The following LIX1 variants were observed in gnomAD, a reference collection of about 807,000 sequenced individuals.
The protein encoded by LIX1 is limb and CNS expressed 1.
LIX1 carries 24 observed loss-of-function variants against 33.4 expected under a neutral mutation model. The observed-to-expected ratio is 0.72, with a 90% CI of 0.52 to 1.01. LIX1 has a LOEUF of 1.01. Among genes scored for constraint, LIX1 ranks in the 50% least tolerant of loss-of-function variants. The pLI, the probability that LIX1 is intolerant of heterozygous loss-of-function variation, is 0.00. For missense variants in LIX1, 311 were observed against 339.2 expected, an observed-to-expected ratio of 0.92 and a Z score of 0.65; for synonymous variants, 124 against 124.0, an observed-to-expected ratio of 1.00 and a Z score of 0.00.
rs1746153895 is a variant in LIX1 at position 97,093,020 on chromosome 5, A to C, written c.*1728T>G. 6.6e-6 allele frequency: 1 copy of C among 152,346 alleles called. No homozygotes were observed. The highest frequency in any genetic ancestry group is 1.5e-5 in the Non-Finnish European group (1 of 68,046). The allele number at this position is 152,346 out of a possible 1,614,324, so 9.4% of individuals were successfully genotyped here. A position where few individuals can be genotyped will look rare whatever the true frequency, so the allele number is the denominator to read the frequency against. On this transcript the variant is annotated 3_prime_UTR_variant, in exon 6 of 6. Coordinates refer to ENST00000274382, the MANE Select transcript of LIX1 (RefSeq NM_153234.5). The stretch of plus-strand genomic sequence containing the variant: ...GTGGAGAGGAATGTAACTTTTGTTA[A>C]AATAATATTTTAAAATAAAATGTGT...
rs1746947373 is a variant in LIX1, at chr5:97,105,198, C to G, written c.475G>C (p.Glu159Gln). The stretch of plus-strand genomic sequence containing the variant: ...GGCAGGCAGGCAGGTACCTGAAACT[C>G]CAGCATAGTCTTCCCCATGTTTGAC... ...LESNMGKTML[E>Q]FQELMTIFQL... is the part of the protein sequence containing the mutation. Residue 159 changes from glutamate to glutamine, a missense_variant, in exon 4 of 6, where the codon GAG (glutamate) becomes CAG (glutamine). Physicochemically the swap from Glu to Gln is conservative, Grantham distance 29. Coordinates refer to ENST00000274382, the MANE Select transcript of LIX1 (RefSeq NM_153234.5). 1.2e-6 allele frequency: 2 copies of G among 1,613,942 alleles called. No homozygotes were observed. The highest frequency in any genetic ancestry group is 2.2e-5 in the East Asian group (1 of 44,880).
chr5:97,103,411 G>A (rs1746824002), intron 4 of LIX1, among the ~76,000 whole-genome samples: 1 of 152,106 alleles, frequency 6.6e-6, no homozygotes, highest in Admixed American at 6.5e-5. Context: ...TGGACTCTAC[G>A]CATATCATCC....
At position 97,094,674 on chromosome 5, in the gene LIX1, A is replaced by AG; in HGVS notation, c.*73dup. 7.1e-7 allele frequency: 1 copy of AG among 1,408,322 alleles called. No homozygotes were observed. The highest frequency in any genetic ancestry group is 9.8e-7 in the Non-Finnish European group (1 of 1,018,276). 87.2% of individuals were successfully genotyped at this position (1,408,322 alleles called of 1,614,324 possible). On this transcript the variant is annotated 3_prime_UTR_variant, in exon 6 of 6. Transcript: ENST00000274382. The stretch of plus-strand genomic sequence containing the variant: ...AGTACTAGAGATGCTGGAGCCTCTG[A>AG]GGACCTCTGCACTGAGATTCCTAAT...
At chr5:97,132,915 G>T (rs1216062702) in intron 1 of LIX1, among the ~76,000 whole-genome samples, 1 of 152,204 alleles carries the variant, frequency 6.6e-6, no homozygotes, top group Non-Finnish European at 1.5e-5. Context: ...GGAAGGAGAT[G>T]AAGCCCCTTC....
At chr5:97,141,227 C>A (rs1748279858) in intron 1 of LIX1, among the ~76,000 whole-genome samples, 2 of 152,072 alleles carry the variant, frequency 1.3e-5, no homozygotes, top group African/African-American at 4.8e-5. Context: ...CCCTTTTATC[C>A]CTCACTAGTG....
chr5:97,134,596 T>C (rs1748133589), intron 1 of LIX1, among the ~76,000 whole-genome samples: 1 of 152,240 alleles, frequency 6.6e-6, no homozygotes, highest in African/African-American at 2.4e-5. Context: ...TTCCTAGTTT[T>C]CTTGAGGAGC....
chr5:97,100,176 C>G (rs74570585), intron 4 of LIX1, among the ~76,000 whole-genome samples: 5,692 of 152,258 alleles, frequency 0.037, 142 homozygotes, highest in South Asian at 0.086. Context: ...CTTTAGAATT[C>G]ACAACTCTTC....
At chr5:97,103,231 T>C (rs1490170344) in intron 4 of LIX1, 3 of 343,972 alleles carry the variant, frequency 8.7e-6, no homozygotes, top group East Asian at 1.7e-4. Context: ...TATCCTACAA[T>C]AGGGGCTCTG....
At chr5:97,139,307 T>C (rs1414560945) in intron 1 of LIX1, among the ~76,000 whole-genome samples, 1 of 152,228 alleles carries the variant, frequency 6.6e-6, no homozygotes, top group African/African-American at 2.4e-5. Context: ...TACTATTAAA[T>C]GGTTGAAGAA....
rs150887145 is a variant in LIX1 at position 97,094,920 on chromosome 5, C to T, written c.677G>A (p.Arg226Gln). The change falls in exon 6 of 6, where the codon CGA (arginine) becomes CAA (glutamine). Residue 226 changes from arginine to glutamine, a missense_variant. Arg to Gln is a conservative substitution (Grantham distance 43). Transcript: ENST00000274382. ...DSPGIVSQEL[R>Q]MALRQLEEAR... is the part of the protein sequence containing the mutation. ...TTCCTCCAACTGCCTCAGGGCCATTCGTAGCTCTTGAGAGACAATTCCTGG... is the reference window on the plus strand; with the variant it reads ...TTCCTCCAACTGCCTCAGGGCCATTTGTAGCTCTTGAGAGACAATTCCTGG... 2.5e-6 allele frequency: 4 copies of T among 1,614,054 alleles called. No homozygotes were observed. Among genetic ancestry groups the T allele is most frequent in the African/African-American group, 2.7e-5 (2 of 74,906 alleles).
At position 97,097,263 on chromosome 5, in the gene LIX1, G is replaced by C. The variant is rs111643019; in HGVS notation, c.484-376C>G. Reference sequence around the variant, plus strand: ...TGTATCATTTTTTAAAATTGCTCGAGACTGACAGCATCTTAAATGGTCACT... The same window carrying C: ...TGTATCATTTTTTAAAATTGCTCGACACTGACAGCATCTTAAATGGTCACT... On this transcript the variant is annotated intron_variant, in intron 4 of 5. Coordinates refer to ENST00000274382, the MANE Select transcript of LIX1 (RefSeq NM_153234.5). Among the ~76,000 whole-genome samples the C allele has an allele frequency of 1.6e-3, 248 of 152,266 alleles. 2 individuals are homozygous for C. Among genetic ancestry groups the C allele is most frequent in the African/African-American group, 5.5e-3 (229 of 41,538 alleles).
At chr5:97,121,399 G>A (rs1747782080) in intron 2 of LIX1, among the ~76,000 whole-genome samples, 1 of 151,950 alleles carries the variant, frequency 6.6e-6, no homozygotes. Flanking sequence ...TCTTTCTAGA[G>A]CTCTTACTAA....
At chr5:97,104,525 T>G (rs552011791) in intron 4 of LIX1, among the ~76,000 whole-genome samples, 1 of 152,212 alleles carries the variant, frequency 6.6e-6, no homozygotes, top group Non-Finnish European at 1.5e-5. Flanking sequence ...ATCCACCTCA[T>G]ACAGTTATTG....
At chr5:97,111,363 G>A (rs566030786) in intron 2 of LIX1, among the ~76,000 whole-genome samples, 16 of 152,134 alleles carry the variant, frequency 1.1e-4, no homozygotes, top group Non-Finnish European at 1.5e-4. Context: ...TCAATAAACC[G>A]TCTATGGTAT....
intron 1 of LIX1, 125 bp downstream of exon 1, chr5:97,142,370 A>G: frequency 1.5e-6 from 1 of 649,872 alleles, no homozygotes. Context: ...ACAAGTTAAA[A>G]TATCACTTAG....
intron 2 of LIX1, among the ~76,000 whole-genome samples, chr5:97,121,646 A>G (rs1348680381): frequency 6.6e-6 from 1 of 152,178 alleles, no homozygotes; most frequent in Non-Finnish European, 1.5e-5. Context: ...AGAGAGAAAT[A>G]TCCTTTCAAA....
intron 1 of LIX1, among the ~76,000 whole-genome samples, chr5:97,136,910 T>C (rs1040079920): frequency 1.3e-5 from 2 of 152,178 alleles, no homozygotes; most frequent in African/African-American, 4.8e-5. Flanking sequence ...AGACTAAACT[T>C]ACATGGGCAT....
chr5:97,119,853 G>A (rs1747737093), intron 2 of LIX1, among the ~76,000 whole-genome samples: 1 of 151,656 alleles, frequency 6.6e-6, no homozygotes. Flanking sequence ...TCTCCGGGTA[G>A]CAAAAACAAA....
chr5:97,122,057 T>C (rs746934851), intron 2 of LIX1, among the ~76,000 whole-genome samples: 1 of 152,190 alleles, frequency 6.6e-6, no homozygotes, highest in Non-Finnish European at 1.5e-5. Flanking sequence ...TGTCCACGGT[T>C]ACATCAAGCT....
Sources: allele counts gnomAD v4.1 joint callset (sites outside exome capture counted in the v4.1 genomes callset), GRCh38; gene constraint gnomAD v4.1.1; transcripts MANE v1.5; gene names NCBI Gene and HGNC (gene_info 2026-07-23, HGNC 2026-07-21).